The following CADPS variants were observed in gnomAD, a reference collection of about 807,000 sequenced individuals.
CADPS encodes the protein calcium-dependent secretion activator 1.
A neutral mutation model predicts 167.3 loss-of-function variants in CADPS; 57 were observed. That is an observed-to-expected ratio of 0.34 (90% confidence interval 0.28 to 0.42). The LOEUF (loss-of-function observed/expected upper bound fraction) is 0.42. Ranked by LOEUF, CADPS falls within the 20% of genes least tolerant of loss-of-function variation. CADPS has a pLI of 1.00. For synonymous variants in CADPS, 676 were observed against 635.3 expected, an observed-to-expected ratio of 1.06 and a Z score of -0.96; for missense variants, 1,414 against 1,738.1, an observed-to-expected ratio of 0.81 and a Z score of 3.32.
chr3:62,587,564 C>T (rs531561703), intron 7 of CADPS, among the ~76,000 whole-genome samples: 45 of 152,268 alleles, frequency 3.0e-4, no homozygotes, highest in African/African-American at 1.1e-3. Context: ...GCCAGAACCG[C>T]GGTAAGTAAG....
In CADPS at chr3:62,496,809, A is replaced by C. The variant is rs1389877517; in HGVS notation, c.2706+2353T>G. Among the ~76,000 whole-genome samples, 6 of 152,202 alleles carry C rather than the reference A, an allele frequency of 3.9e-5. No homozygotes were observed. In the East Asian group the frequency reaches 9.6e-4, roughly 24 times the overall value. ...TCCTATGCCTAGTTGTCTTTCAAAAAGCACCAAGGTAGTTGCCTCAGTGCT... is the reference window on the plus strand; with the variant it reads ...TCCTATGCCTAGTTGTCTTTCAAAACGCACCAAGGTAGTTGCCTCAGTGCT... On this transcript the variant is annotated intron_variant, in intron 18 of 29. Coordinates refer to ENST00000383710, the MANE Select transcript of CADPS (RefSeq NM_003716.4).
At position 62,873,538 on chromosome 3, in the gene CADPS, A is replaced by G. The variant is rs929288187; in HGVS notation, c.441+1051T>C. 2.5e-4 allele frequency among the ~76,000 whole-genome samples: 29 copies of G among 115,192 alleles called. No individual in the cohort carries two copies. The East Asian group carries it at 6.5e-3, about 26-fold the overall frequency. 75.6% of individuals were successfully genotyped at this position (115,192 alleles called of 152,430 possible). ...TCCTGCCTGCTTTTCTTCTGTCCCC[A>G]CCCCCCGCCACTGCCCCTCATCTTG... On this transcript the variant is annotated intron_variant, in intron 1 of 29. Transcript: ENST00000383710.
chr3:62,457,390 T>C (rs1300438705), intron 26 of CADPS, among the ~76,000 whole-genome samples: 2 of 152,164 alleles, frequency 1.3e-5, no homozygotes, highest in Non-Finnish European at 2.9e-5. Flanking sequence ...AAAATATGCT[T>C]GGAGAATGAG....
chr3:62,683,294 AG>A (rs1431895242), intron 3 of CADPS, among the ~76,000 whole-genome samples: 1 of 152,076 alleles, frequency 6.6e-6, no homozygotes, highest in Admixed American at 6.6e-5. Context: ...GCTCACACAG[AG>A]GATGGATTGG....
At chr3:62,854,673 G>C (rs11720115) in intron 1 of CADPS, among the ~76,000 whole-genome samples, 27,181 of 152,094 alleles carry the variant, frequency 0.18, 2,697 homozygotes, top group Middle Eastern at 0.29. Context: ...TTGTGTAGTC[G>C]TAAGTAACAA....
chr3:62,411,744 T>C (rs1398667659), intron 28 of CADPS, among the ~76,000 whole-genome samples: 1 of 152,184 alleles, frequency 6.6e-6, no homozygotes, highest in African/African-American at 2.4e-5. Flanking sequence ...CCCTGGCACG[T>C]TCAAGCCGTC....
chr3:62,730,100 C>T (rs372623767), intron 3 of CADPS, among the ~76,000 whole-genome samples: 15 of 151,930 alleles, frequency 9.9e-5, no homozygotes, highest in Non-Finnish European at 2.1e-4. Context: ...GTGAAGTATC[C>T]GTGAAGTAGA....
intron 4 of CADPS, among the ~76,000 whole-genome samples, chr3:62,651,385 A>G (rs1291124109): frequency 2.6e-5 from 4 of 152,236 alleles, no homozygotes; most frequent in Admixed American, 2.6e-4. Flanking sequence ...TTGTAGGAAG[A>G]AAAATGGGGT....
At chr3:62,622,652 G>T (rs1287455668) in intron 6 of CADPS, among the ~76,000 whole-genome samples, 1 of 152,070 alleles carries the variant, frequency 6.6e-6, no homozygotes, top group African/African-American at 2.4e-5. Context: ...TCCCTGAGCT[G>T]AGCTGCATGG....
chr3:62,451,259 T>G (rs2058004012), intron 26 of CADPS, among the ~76,000 whole-genome samples: 1 of 152,118 alleles, frequency 6.6e-6, no homozygotes, highest in Non-Finnish European at 1.5e-5. Context: ...ATCTTTTCAT[T>G]GAGCACTCAC....
chr3:62,536,591 T>C lies in CADPS; in HGVS notation c.1967-10A>G, dbSNP rs958282277. The C allele has an allele frequency of 6.2e-6, 10 of 1,612,382 alleles. No individual in the cohort carries two copies. Among genetic ancestry groups the C allele is most frequent in the Non-Finnish European group, 8.5e-6 (10 of 1,178,830 alleles). On this transcript the variant is annotated splice_polypyrimidine_tract_variant and intron_variant, in intron 11 of 29. Transcript: ENST00000383710. ...TGAGCTCTATCTGCGTCTGTTCATT[T>C]ATACATGTAGAGAGAGACACAATTT...
chr3:62,587,901 C>G (rs1340907972), intron 7 of CADPS, among the ~76,000 whole-genome samples: 1 of 152,180 alleles, frequency 6.6e-6, no homozygotes, highest in Non-Finnish European at 1.5e-5. Flanking sequence ...TATGTGTCAG[C>G]ACTGCTGAAT....
In CADPS at chr3:62,514,247, T is replaced by C. The variant is rs2068486506; in HGVS notation, c.2582-1479A>G. ...GTAATATCTTTCAGGCTGCAATGTC[T>C]CAGCCTATGGTGGACTATGTTCATG... On this transcript the variant is annotated intron_variant, in intron 16 of 29. Coordinates refer to ENST00000383710, the MANE Select transcript of CADPS (RefSeq NM_003716.4). The surrounding 1 kb of genome is among the most constrained non-coding windows in gnomAD (Gnocchi z 4.2). Among the ~76,000 whole-genome samples the C allele has an allele frequency of 6.6e-6, 1 of 152,052 alleles. No individual in the cohort carries two copies. The highest frequency in any genetic ancestry group is 2.4e-5 in the African/African-American group (1 of 41,426).
intron 17 of CADPS, among the ~76,000 whole-genome samples, chr3:62,503,421 T>C (rs1426188946): frequency 6.6e-6 from 1 of 152,246 alleles, no homozygotes; most frequent in African/African-American, 2.4e-5. Context: ...TCTATGGGAC[T>C]GATCTCTGTA....
chr3:62,627,739 G>T (rs60049672), intron 6 of CADPS, among the ~76,000 whole-genome samples: 135,168 of 151,944 alleles, frequency 0.89, 61,299 homozygotes, highest in East Asian at 1. Flanking sequence ...TCTGGTAATT[G>T]AGTTTTGATC....
chr3:62,637,333 C>T (rs898318797), intron 6 of CADPS, among the ~76,000 whole-genome samples: 1 of 152,156 alleles, frequency 6.6e-6, no homozygotes, highest in African/African-American at 2.4e-5. Flanking sequence ...AGTTCAGTGC[C>T]TGGTACTTAG....
At chr3:62,553,394 A>G (rs1210553117) in intron 10 of CADPS, among the ~76,000 whole-genome samples, 1 of 152,198 alleles carries the variant, frequency 6.6e-6, no homozygotes, top group East Asian at 1.9e-4. Flanking sequence ...TTTACAGATG[A>G]GGAAACTAAG....
chr3:62,580,631 G>C (rs1242222262), intron 8 of CADPS, among the ~76,000 whole-genome samples: 1 of 151,018 alleles, frequency 6.6e-6, no homozygotes, highest in Non-Finnish European at 1.5e-5. Flanking sequence ...AAAAACCACT[G>C]ACTGTATATG....
chr3:62,527,093 A>G (rs1026596925), intron 13 of CADPS, among the ~76,000 whole-genome samples: 2 of 152,222 alleles, frequency 1.3e-5, no homozygotes, highest in Non-Finnish European at 2.9e-5. Flanking sequence ...TCTGCATTTT[A>G]TAAAATCCCC....
Sources: allele counts gnomAD v4.1 joint callset (sites outside exome capture counted in the v4.1 genomes callset), GRCh38; gene constraint gnomAD v4.1.1; non-coding constraint Gnocchi (gnomAD v3.1); transcripts MANE v1.5; gene names NCBI Gene and HGNC (gene_info 2026-07-23, HGNC 2026-07-21).